OR7G2: variants seen among roughly 807,000 people sequenced by gnomAD.
OR7G2 encodes the protein olfactory receptor 7G2.
For synonymous variants in OR7G2, 153 were observed against 152.2 expected (o/e 1.01, Z -0.04); for missense variants, 362 against 384.0 (o/e 0.94, Z 0.48).
chr19:9,105,129 C>A (rs925273343), intron 1 of OR7G2, among the ~76,000 whole-genome samples: 28 of 151,824 alleles, frequency 1.8e-4, no homozygotes, highest in African/African-American at 6.3e-4. Flanking sequence ...AGCCACCGCA[C>A]CCGGCTAATT....
chr19:9,102,535 C>T lies in OR7G2; in HGVS notation c.709G>A (p.Ala237Thr), dbSNP rs145846540. Residue 237 changes from alanine to threonine, a missense_variant, in exon 2 of 2, where the codon GCA (alanine) becomes ACA (threonine). Transcript: ENST00000641081. ...RMPSASGKHK[A>T]VSTCGSHLSI... ...AGGTGAGACCCACAGGTGGAAACTG[C>T]TTTGTGCTTTCCACTTGCTGATGGC... 1.9e-6 allele frequency: 3 copies of T among 1,614,062 alleles called. No homozygotes were observed. Among genetic ancestry groups the T allele is most frequent in the African/African-American group, 1.3e-5 (1 of 74,920 alleles).
chr19:9,105,283 T>C (rs551819513), intron 1 of OR7G2, among the ~76,000 whole-genome samples: 1 of 152,188 alleles, frequency 6.6e-6, no homozygotes, highest in African/African-American at 2.4e-5. Flanking sequence ...ATTTTCTTTA[T>C]TGAAACAAAT....
At chr19:9,106,875 T>C (rs997297765) in intron 1 of OR7G2, among the ~76,000 whole-genome samples, 2 of 152,044 alleles carry the variant, frequency 1.3e-5, no homozygotes, top group Non-Finnish European at 2.9e-5. Context: ...GATATTATTC[T>C]TCCAAATAAT....
intron 1 of OR7G2, among the ~76,000 whole-genome samples, chr19:9,104,165 G>C (rs934344757): frequency 2.0e-5 from 3 of 152,154 alleles, no homozygotes; most frequent in African/African-American, 7.2e-5. Flanking sequence ...GGGATTACAG[G>C]TGTGAGCCAT....
rs1454687431 is a variant in OR7G2 at position 9,102,738 on chromosome 19, C to A, written c.506G>T (p.Cys169Phe). The change falls in exon 2 of 2, where the codon TGC (cysteine) becomes TTC (phenylalanine). Residue 169 changes from cysteine (C) to phenylalanine (F), a missense_variant. By Grantham distance (205) the Cys-to-Phe change is radical (BLOSUM62 -2). Transcript: ENST00000641081. ...GAAGAGCGGGATTTCCAGGTCTGTG[C>A]AGAAGGACAGCCTCAACACCATCAG... ...LSLMVLRLSF[C>F]TDLEIPLFFC... 6.2e-7 allele frequency: 1 copy of A among 1,613,938 alleles called. No homozygotes were observed. Among genetic ancestry groups the A allele is most frequent in the African/African-American group, 1.3e-5 (1 of 74,896 alleles).
rs1292307698 is a variant in OR7G2, at chr19:9,103,199, CAGG to C, written c.42_44del (p.Leu15del). The C allele has an allele frequency of 1.2e-6, 2 of 1,613,986 alleles. No homozygotes were observed. Among genetic ancestry groups the C allele is most frequent in the African/African-American group, 2.7e-5 (2 of 74,900 alleles). ...GCAGTTCCGGATCCTCTATCAGTCC[CAGG>C]AGAAGGAATTTTGAAATAGCTGTTT... is the stretch of plus-strand genomic sequence containing the variant. On this transcript the variant is annotated inframe_deletion, in exon 2 of 2. Coordinates refer to ENST00000641081, the MANE Select transcript of OR7G2 (RefSeq NM_001005193.2).
chr19:9,106,678 A>G (rs2050388123), intron 1 of OR7G2, among the ~76,000 whole-genome samples: 1 of 146,884 alleles, frequency 6.8e-6, no homozygotes, highest in Non-Finnish European at 1.5e-5. Flanking sequence ...CGGAGGTTGC[A>G]GTGAGCCGAG....
At chr19:9,104,565 T>C (rs75066053) in intron 1 of OR7G2, among the ~76,000 whole-genome samples, 54,770 of 151,812 alleles carry the variant, frequency 0.36, 10,491 homozygotes, top group East Asian at 0.62. Flanking sequence ...TGGTGGCTCA[T>C]GCTTGTAATC....
At chr19:9,104,945 C>T (rs2050377656) in intron 1 of OR7G2, among the ~76,000 whole-genome samples, 2 of 151,812 alleles carry the variant, frequency 1.3e-5, no homozygotes. Context: ...CCTCCTGTTC[C>T]CTCCATTTTC....
Position 9,103,001 on chromosome 19 carries a change from C to A in OR7G2, c.243G>T (p.Met81Ile). 1 of 1,614,128 alleles carries A rather than the reference C, an allele frequency of 6.2e-7. No individual in the cohort carries two copies. Among genetic ancestry groups the A allele is most frequent in the Non-Finnish European group, 8.5e-7 (1 of 1,180,034 alleles). Reference protein sequence around the residue: ...ICLSTTTIPKMLVNIQAQNRS... With the variant: ...ICLSTTTIPKILVNIQAQNRS... Reference sequence around the variant, plus strand: ...GATTCTGAGCTTGGATGTTCACCAGCATCTTTGGGATCGTGGTTGTGCTTA... The same window carrying A: ...GATTCTGAGCTTGGATGTTCACCAGAATCTTTGGGATCGTGGTTGTGCTTA... The change falls in exon 2 of 2, where the codon ATG (methionine) becomes ATT (isoleucine). Residue 81 changes from methionine (M) to isoleucine (I), a missense_variant. Coordinates refer to ENST00000641081, the MANE Select transcript of OR7G2 (RefSeq NM_001005193.2).
Position 9,100,654 on chromosome 19 carries a change from G to T in OR7G2, c.*1615C>A, listed in dbSNP as rs1003237547. On this transcript the variant is annotated 3_prime_UTR_variant, in exon 2 of 2. Transcript: ENST00000641081. ...ATGCTAATTTTTTGATGATAAAACT[G>T]AGTATAATAGATGCTAATGTTGTCT... The T allele has an allele frequency of 2.6e-5, 4 of 152,114 alleles. No individual in the cohort carries two copies. Among genetic ancestry groups the T allele is most frequent in the African/African-American group, 9.7e-5 (4 of 41,424 alleles). The allele number at this position is 152,114 out of a possible 1,614,324, so 9.4% of individuals were successfully genotyped here.
At position 9,102,156 on chromosome 19, in the gene OR7G2, C is replaced by A. The variant is rs1184853664; in HGVS notation, c.*113G>T. On this transcript the variant is annotated 3_prime_UTR_variant, in exon 2 of 2. Transcript: ENST00000641081. Reference sequence around the variant, plus strand: ...GGCGGAAGTTGCAGTGAGCCGAGGTCGTGCCATTGCACTCCAGCCTGGGAG... The same window carrying A: ...GGCGGAAGTTGCAGTGAGCCGAGGTAGTGCCATTGCACTCCAGCCTGGGAG... The A allele has an allele frequency of 2.2e-6, 2 of 927,088 alleles. No homozygotes were observed. Among genetic ancestry groups the A allele is most frequent in the South Asian group, 1.8e-5 (1 of 55,408 alleles). The allele number at this position is 927,088 out of a possible 1,614,324, so 57.4% of individuals were successfully genotyped here.
At position 9,102,148 on chromosome 19, in the gene OR7G2, G is replaced by A; in HGVS notation, c.*121C>T. On this transcript the variant is annotated 3_prime_UTR_variant, in exon 2 of 2. Coordinates refer to ENST00000641081, the MANE Select transcript of OR7G2 (RefSeq NM_001005193.2). ...AACCCGGAGGCGGAAGTTGCAGTGA[G>A]CCGAGGTCGTGCCATTGCACTCCAG... 1.2e-6 allele frequency: 1 copy of A among 849,478 alleles called. No homozygotes were observed. Among genetic ancestry groups the A allele is most frequent in the Non-Finnish European group, 1.8e-6 (1 of 556,874 alleles). 52.6% of individuals were successfully genotyped at this position (849,478 alleles called of 1,614,324 possible).
intron 1 of OR7G2, among the ~76,000 whole-genome samples, chr19:9,106,828 T>A (rs1421141409): frequency 6.6e-6 from 1 of 152,028 alleles, no homozygotes; most frequent in Non-Finnish European, 1.5e-5. Context: ...TACACACACT[T>A]GATCTATATT....
intron 1 of OR7G2, 117 bp from the exon 2 acceptor site, chr19:9,103,376 G>A: frequency 1.1e-6 from 1 of 874,124 alleles, no homozygotes; most frequent in Non-Finnish European, 1.8e-6. Context: ...AAACTCTGGG[G>A]ATGAGAACCG....
At position 9,102,820 on chromosome 19, in the gene OR7G2, C is replaced by T. The variant is rs752801016; in HGVS notation, c.424G>A (p.Gly142Ser). 1 of 1,613,712 alleles carries T rather than the reference C, an allele frequency of 6.2e-7. No individual in the cohort carries two copies. The highest frequency in any genetic ancestry group is 8.5e-7 in the Non-Finnish European group (1 of 1,179,776). The stretch of plus-strand genomic sequence containing the variant: ...AACAGAGAGAGAAGAATCAGCAGGC[C>T]ACAGAGGCGGGGGTTCATGATGACT... ...YTVIMNPRLCGLLILLSLLTS... is the reference protein window; with the variant it reads ...YTVIMNPRLCSLLILLSLLTS... Residue 142 changes from glycine (G) to serine (S), a missense_variant, in exon 2 of 2, where the codon GGC becomes AGC. By Grantham distance (56) the Gly-to-Ser change is moderately conservative. Transcript: ENST00000641081.
In OR7G2 at chr19:9,102,374, A is replaced by G; in HGVS notation, c.870T>C (p.Tyr290=). The change falls in exon 2 of 2, where the codon TAT becomes TAC. Residue 290 remains tyrosine (Y), a synonymous_variant. Coordinates refer to ENST00000641081, the MANE Select transcript of OR7G2 (RefSeq NM_001005193.2). ...VFPQMVNPFI[Y]SLRNKDMKGT... is the part of the protein sequence containing the mutation. ...CTTTCATGTCCTTATTCCTCAGACT[A>G]TAGATAAAGGGGTTCACCATTTGAG... 6.2e-7 allele frequency: 1 copy of G among 1,613,724 alleles called. No individual in the cohort carries two copies. The highest frequency in any genetic ancestry group is 8.5e-7 in the Non-Finnish European group (1 of 1,179,670).
At chr19:9,106,610 C>T (rs531718198) in intron 1 of OR7G2, among the ~76,000 whole-genome samples, 1 of 150,678 alleles carries the variant, frequency 6.6e-6, no homozygotes, top group Non-Finnish European at 1.5e-5. Context: ...AGTTCAAGAC[C>T]AGCTGACCAA....
intron 1 of OR7G2, among the ~76,000 whole-genome samples, chr19:9,105,971 T>G (rs1252984843): frequency 6.6e-6 from 1 of 152,074 alleles, no homozygotes; most frequent in African/African-American, 2.4e-5. Context: ...AAGAAAATTT[T>G]TGTATGATAA....
Sources: gnomAD v4.1 joint callset for allele counts (sites outside exome capture counted in the v4.1 genomes callset) on GRCh38, gnomAD v4.1.1 for gene constraint, MANE v1.5 for transcripts, NCBI Gene and HGNC (gene_info 2026-07-23, HGNC 2026-07-21) for gene names.